Variants in VPS13B observed in about 807,000 individuals in gnomAD.
The protein encoded by VPS13B is vacuolar protein sorting 13 homolog B.
Under a neutral mutation model 426.4 loss-of-function variants are expected in VPS13B, and 285 were observed. The ratio of observed to expected loss-of-function variants is 0.67; its 90% CI spans 0.61 to 0.74. The LOEUF (loss-of-function observed/expected upper bound fraction) is 0.74. VPS13B is among the 30% of genes least tolerant of loss of function. The pLI is 0.00. For missense variants in VPS13B, 4,537 were observed against 4,782.6 expected (o/e 0.95, Z 1.51); for synonymous variants, 1,676 against 1,676.4 (o/e 1.00, Z 0.01).
chr8:99,180,590 G>T lies in VPS13B; in HGVS notation c.2333+10427G>T, dbSNP rs74912622. Among the ~76,000 whole-genome samples the T allele has an allele frequency of 7.7e-4, 117 of 152,294 alleles. 1 individual carries two copies. Among genetic ancestry groups the T allele is most frequent in the Non-Finnish European group, 2.9e-4 (20 of 68,012 alleles). ...ATGGTCAGGGAAGTTCTCTTACATG[G>T]ATGTGACTTTTGACTCCAACCTAAA... On this transcript the variant is annotated intron_variant, in intron 16 of 61. Coordinates refer to ENST00000357162, the MANE Select transcript of VPS13B (RefSeq NM_152564.5).
intron 16 of VPS13B, among the ~76,000 whole-genome samples, chr8:99,192,620 T>C (rs1424046756): frequency 6.6e-6 from 1 of 152,206 alleles, no homozygotes; most frequent in Non-Finnish European, 1.5e-5. Context: ...TATGTAGTAA[T>C]TGCTTGAGCA....
chr8:99,817,924 G>A, intron 45 of VPS13B, 121 bp downstream of exon 45: 1 of 1,446,580 alleles, frequency 6.9e-7, no homozygotes. Context: ...GGGAGTGAAA[G>A]GCTTTGAATA....
At chr8:99,444,820 T>A (rs536720773) in intron 23 of VPS13B, among the ~76,000 whole-genome samples, 32 of 152,218 alleles carry the variant, frequency 2.1e-4, no homozygotes, top group African/African-American at 7.2e-4. Context: ...CACACTACCA[T>A]GCCTGTCTAA....
At chr8:99,691,519 T>C (rs530731386) in intron 35 of VPS13B, among the ~76,000 whole-genome samples, 24 of 152,094 alleles carry the variant, frequency 1.6e-4, no homozygotes, top group African/African-American at 1.4e-4. Context: ...AATGCACAAC[T>C]AGCTGTAAAC....
intron 14 of VPS13B, among the ~76,000 whole-genome samples, chr8:99,148,655 CCTGA>C (rs1052532488): frequency 1.2e-4 from 18 of 152,052 alleles, no homozygotes; most frequent in South Asian, 6.2e-4. Context: ...TTTCAAGCAG[CCTGA>C]CTATTTTAGT....
chr8:99,147,175 G>T (rs1293505235), intron 13 of VPS13B, among the ~76,000 whole-genome samples: 1 of 152,088 alleles, frequency 6.6e-6, no homozygotes, highest in Non-Finnish European at 1.5e-5. Context: ...ACAGTGGCGT[G>T]ATCTCGGCTC....
chr8:99,128,386 CAAAAAAAAAAAAAAAAAAAAAA>C (rs71273165), intron 8 of VPS13B, among the ~76,000 whole-genome samples: 11 of 34,188 alleles, frequency 3.2e-4, no homozygotes, highest in African/African-American at 6.7e-4. Context: ...GATACTGTCC[CAAAAAAAAAAAAAAAAAAAAAA>C]AAAAAAAAAA....
At chr8:99,112,560 G>A (rs1408438621) in intron 6 of VPS13B, among the ~76,000 whole-genome samples, 1 of 151,616 alleles carries the variant, frequency 6.6e-6, no homozygotes, top group East Asian at 1.9e-4. Flanking sequence ...TTCTATATTT[G>A]AATTAGCTTC....
At chr8:99,720,756 C>G (rs1833099401) in intron 38 of VPS13B, 107 bp from the exon 39 acceptor site, 1 of 1,214,496 alleles carries the variant, frequency 8.2e-7, no homozygotes, top group Non-Finnish European at 1.2e-6. Flanking sequence ...AAATGACCAA[C>G]TAGCTTCTTT....
chr8:99,669,017 C>A (rs1346072014), intron 35 of VPS13B, among the ~76,000 whole-genome samples: 2 of 152,140 alleles, frequency 1.3e-5, no homozygotes, highest in Non-Finnish European at 2.9e-5. Flanking sequence ...CTAATCCAGG[C>A]CTCACACTGG....
chr8:99,692,064 A>G (rs1386131359), intron 35 of VPS13B, among the ~76,000 whole-genome samples: 4 of 147,076 alleles, frequency 2.7e-5, no homozygotes, highest in Non-Finnish European at 6.0e-5. Context: ...TGACCTACAA[A>G]GAGACTTAGA....
chr8:99,685,718 C>A (rs1831362902), intron 35 of VPS13B, among the ~76,000 whole-genome samples: 1 of 152,144 alleles, frequency 6.6e-6, no homozygotes, highest in South Asian at 2.1e-4. Flanking sequence ...CTCTTTGTTA[C>A]ATTTATCTGA....
At chr8:99,500,434 ATG>A (rs1359799953) in intron 25 of VPS13B, among the ~76,000 whole-genome samples, 1 of 152,198 alleles carries the variant, frequency 6.6e-6, no homozygotes, top group African/African-American at 2.4e-5. Context: ...ACTATTTTCT[ATG>A]TGTATATTCT....
intron 31 of VPS13B, among the ~76,000 whole-genome samples, chr8:99,573,969 C>A (rs567291280): frequency 9.2e-5 from 14 of 152,174 alleles, no homozygotes; most frequent in African/African-American, 3.1e-4. Flanking sequence ...ATCCTCTTTT[C>A]TTTCGTTGAG....
At chr8:99,874,812 CT>C (rs1258378227) in intron 61 of VPS13B, among the ~76,000 whole-genome samples, 1 of 152,182 alleles carries the variant, frequency 6.6e-6, no homozygotes, top group African/African-American at 2.4e-5. Context: ...TTTACATCCT[CT>C]TTTTTTCCAT....
At chr8:99,516,528 C>A (rs916758728) in intron 29 of VPS13B, among the ~76,000 whole-genome samples, 1 of 151,800 alleles carries the variant, frequency 6.6e-6, no homozygotes, top group African/African-American at 2.4e-5. Context: ...GTGGCTCATG[C>A]CTGTAATACC....
At chr8:99,554,040 T>C (rs529637215) in intron 30 of VPS13B, among the ~76,000 whole-genome samples, 1 of 151,406 alleles carries the variant, frequency 6.6e-6, no homozygotes, top group Non-Finnish European at 1.5e-5. Flanking sequence ...AAAAAAAAAA[T>C]GGGAAATTTC....
intron 33 of VPS13B, among the ~76,000 whole-genome samples, chr8:99,597,014 T>C (rs1336127390): frequency 6.6e-6 from 1 of 152,090 alleles, no homozygotes; most frequent in African/African-American, 2.4e-5. Context: ...CCTAAAGTTC[T>C]ATATCATATA....
At chr8:99,404,805 C>T (rs537304023) in intron 21 of VPS13B, among the ~76,000 whole-genome samples, 1 of 152,170 alleles carries the variant, frequency 6.6e-6, no homozygotes, top group African/African-American at 2.4e-5. Flanking sequence ...TAACATCACA[C>T]GGTCTTGTCT....
Sources: allele counts gnomAD v4.1 joint callset (sites outside exome capture counted in the v4.1 genomes callset), GRCh38; gene constraint gnomAD v4.1.1; transcripts MANE v1.5; gene names NCBI Gene and HGNC (gene_info 2026-07-23, HGNC 2026-07-21).